The following TIGIT variants were observed in gnomAD, a reference collection of about 807,000 sequenced individuals.
TIGIT encodes T cell immunoreceptor with Ig and ITIM domains, also known as T-cell immunoreceptor with Ig and ITIM domains.
A neutral mutation model predicts 19.6 loss-of-function variants in TIGIT; 11 were observed. The ratio of observed to expected loss-of-function variants is 0.56; its 90% CI spans 0.35 to 0.93. The LOEUF (loss-of-function observed/expected upper bound fraction) is 0.93. Among genes scored for constraint, TIGIT ranks in the 40% least tolerant of loss-of-function variants. The probability of loss-of-function intolerance (pLI) is 0.01; values close to 1 mark genes in which losing one functional copy is unlikely to be tolerated. For missense variants in TIGIT, 295 were observed against 303.9 expected (o/e 0.97, Z 0.22); for synonymous variants, 130 against 125.5 (o/e 1.04, Z -0.24).
intron 3 of TIGIT, among the ~76,000 whole-genome samples, chr3:114,300,184 G>A (rs1017989017): frequency 4.6e-5 from 7 of 152,192 alleles, no homozygotes; most frequent in African/African-American, 1.7e-4. Context: ...AGAAGCCACA[G>A]ATATGGCTGG....
At chr3:114,306,008 A>G (rs748673204) in intron 3 of TIGIT, among the ~76,000 whole-genome samples, 4 of 152,100 alleles carry the variant, frequency 2.6e-5, no homozygotes, top group Non-Finnish European at 4.4e-5. Flanking sequence ...TGCTGGTAGC[A>G]TGGCTCAGTT....
chr3:114,300,979 G>A (rs950698533), intron 3 of TIGIT, among the ~76,000 whole-genome samples: 10 of 152,120 alleles, frequency 6.6e-5, no homozygotes, highest in South Asian at 2.1e-4. Flanking sequence ...ATTATAATTC[G>A]GCTTACTCTA....
rs150196922 is a variant in TIGIT at position 114,309,565 on chromosome 3, T to A, written c.*1434T>A. 3.9e-4 allele frequency: 59 copies of A among 152,314 alleles called. 1 individual carries two copies. In the East Asian group the frequency reaches 5.6e-3, roughly 14 times the overall value. The allele number at this position is 152,314 out of a possible 1,614,324, so 9.4% of individuals were successfully genotyped here. A position where few individuals can be genotyped will look rare whatever the true frequency, so the allele number is the denominator to read the frequency against. ...AATTCAACTATTTCTCCTAGGATTTTTATTATTATTATTTTTTCACTTTTC... is the reference window on the plus strand; with the variant it reads ...AATTCAACTATTTCTCCTAGGATTTATATTATTATTATTTTTTCACTTTTC... On this transcript the variant is annotated 3_prime_UTR_variant, in exon 4 of 4. Transcript: ENST00000383671.
At chr3:114,298,748 C>T (rs2078470872) in intron 2 of TIGIT, among the ~76,000 whole-genome samples, 1 of 152,188 alleles carries the variant, frequency 6.6e-6, no homozygotes, top group African/African-American at 2.4e-5. Flanking sequence ...TTTTAGCAAC[C>T]CAGACCCTTA....
In TIGIT at chr3:114,295,723, C is replaced by T. The variant is rs2107947167; in HGVS notation, c.240C>T (p.Ser80=). 3 of 1,614,234 alleles carry T rather than the reference C, an allele frequency of 1.9e-6. No homozygotes were observed. The highest frequency in any genetic ancestry group is 2.5e-6 in the Non-Finnish European group (3 of 1,180,030). Residue 80 remains serine (S), a synonymous_variant, in exon 2 of 4, where the codon TCC becomes TCT. Transcript: ENST00000383671. ...NADLGWHISP[S]FKDRVAPGPG... is the part of the protein sequence containing the mutation. ...ACTTGGGGTGGCACATCTCCCCATC[C>T]TTCAAGGATCGAGTGGCCCCAGGTC...
intron 3 of TIGIT, among the ~76,000 whole-genome samples, 156 bp downstream of exon 3, chr3:114,299,859 A>G (rs1432497163): frequency 1.3e-5 from 2 of 152,112 alleles, no homozygotes; most frequent in Non-Finnish European, 2.9e-5. Flanking sequence ...CTATTAGTGC[A>G]GTTATTTATG....
intron 3 of TIGIT, among the ~76,000 whole-genome samples, chr3:114,303,540 CACATATATATGTATATATATAT>C (rs1560033506): frequency 2.3e-4 from 2 of 8,564 alleles, no homozygotes; most frequent in African/African-American, 3.9e-4. Flanking sequence ...TATATATATA[CACATATATATGTATATATATAT>C]ACATATATAT....
At chr3:114,299,459 G>T in intron 2 of TIGIT, 138 bp from the exon 3 acceptor site, 1 of 631,994 alleles carries the variant, frequency 1.6e-6, no homozygotes, top group Non-Finnish European at 2.9e-6. Flanking sequence ...AAAGTGTTGG[G>T]CTTAAAGGCT....
chr3:114,299,044 G>T (rs1289069074), intron 2 of TIGIT, among the ~76,000 whole-genome samples: 1 of 152,152 alleles, frequency 6.6e-6, no homozygotes. Flanking sequence ...CTGAGCATTC[G>T]CTATGTGTCA....
chr3:114,295,773 C>G lies in TIGIT; in HGVS notation c.290C>G (p.Ser97Trp), dbSNP rs376092576. 6.2e-6 allele frequency: 10 copies of G among 1,614,030 alleles called. No individual in the cohort carries two copies. The highest frequency in any genetic ancestry group is 8.5e-6 in the Non-Finnish European group (10 of 1,180,020). ...PGPGLGLTLQ[S>W]LTVNDTGEYF... ...CCCGGCCTGGGCCTCACCCTCCAGT[C>G]GCTGACCGTGAACGATACAGGGGAG... The change falls in exon 2 of 4, where the codon TCG (serine) becomes TGG (tryptophan). Residue 97 changes from serine to tryptophan, a missense_variant. Ser to Trp is a radical substitution (Grantham distance 177, BLOSUM62 -3). Coordinates refer to ENST00000383671, the MANE Select transcript of TIGIT (RefSeq NM_173799.4).
At chr3:114,305,683 C>A (rs10934259) in intron 3 of TIGIT, among the ~76,000 whole-genome samples, 41,692 of 151,842 alleles carry the variant, frequency 0.27, 6,620 homozygotes, top group Middle Eastern at 0.38. Context: ...ACACTCCCAG[C>A]ATCTGGAAAA....
chr3:114,307,926 G>A lies in TIGIT; in HGVS notation c.530G>A (p.Gly177Asp). 6.2e-7 allele frequency: 1 copy of A among 1,614,122 alleles called. No individual in the cohort carries two copies. Among genetic ancestry groups the A allele is most frequent in the Non-Finnish European group, 8.5e-7 (1 of 1,180,034 alleles). ...GCCCTCAGAATCCATTCTGTGGAAG[G>A]TGACCTCAGGAGAAAATCAGCTGGA... ...KKALRIHSVE[G>D]DLRRKSAGQE... is the part of the protein sequence containing the mutation. Residue 177 changes from glycine (G) to aspartate (D), a missense_variant, in exon 4 of 4, where the codon GGT (glycine) becomes GAT (aspartate). By Grantham distance (94) the Gly-to-Asp change is moderately conservative (BLOSUM62 -1). Transcript: ENST00000383671.
Position 114,308,189 on chromosome 3 carries a change from A to G in TIGIT, c.*58A>G, listed in dbSNP as rs1338966821. The G allele has an allele frequency of 1.4e-6, 2 of 1,414,772 alleles. No individual in the cohort carries two copies. The highest frequency in any genetic ancestry group is 2.4e-5 in the South Asian group (2 of 81,996). 87.6% of individuals were successfully genotyped at this position (1,414,772 alleles called of 1,614,324 possible). ...TGTCTTTGCTATTATAGATGAATAT[A>G]TAAGCAGCTGTACTCTCCATCAGTG... On this transcript the variant is annotated 3_prime_UTR_variant, in exon 4 of 4. Transcript: ENST00000383671.
At chr3:114,297,303 G>A (rs181222856) in intron 2 of TIGIT, among the ~76,000 whole-genome samples, 3 of 152,214 alleles carry the variant, frequency 2.0e-5, no homozygotes, top group East Asian at 3.9e-4. Context: ...CAGTTTTCTT[G>A]TCGATAAAAT....
chr3:114,301,551 A>G (rs185224419), intron 3 of TIGIT, among the ~76,000 whole-genome samples: 12 of 152,342 alleles, frequency 7.9e-5, no homozygotes, highest in African/African-American at 2.9e-4. Context: ...TGCTGTTAGC[A>G]GTGTCCTGAT....
At position 114,308,389 on chromosome 3, in the gene TIGIT, G is replaced by C. The variant is rs146694851; in HGVS notation, c.*258G>C. 8.3e-5 allele frequency: 31 copies of C among 371,398 alleles called. No individual in the cohort carries two copies. Among genetic ancestry groups the C allele is most frequent in the Non-Finnish European group, 3.9e-5 (8 of 203,106 alleles). 23.0% of individuals were successfully genotyped at this position (371,398 alleles called of 1,614,324 possible). ...TAAATGCAAAATTAAAAAATATCTT[G>C]ACCTGGTTTTAAATCTGGCAGTTTG... On this transcript the variant is annotated 3_prime_UTR_variant, in exon 4 of 4. Coordinates refer to ENST00000383671, the MANE Select transcript of TIGIT (RefSeq NM_173799.4).
At chr3:114,303,788 G>A in intron 3 of TIGIT, among the ~76,000 whole-genome samples, 1 of 151,654 alleles carries the variant, frequency 6.6e-6, no homozygotes, top group African/African-American at 2.4e-5. Flanking sequence ...CCCAGTAGTG[G>A]GATTACTGGA....
rs570875973 is a variant in TIGIT at position 114,295,669 on chromosome 3, G to A, written c.186G>A (p.Gln62=). ...TGACCCAGGTCAACTGGGAGCAGCAGGACCAGCTTCTGGCCATTTGTAATG... is the reference window on the plus strand; with the variant it reads ...TGACCCAGGTCAACTGGGAGCAGCAAGACCAGCTTCTGGCCATTTGTAATG... The part of the protein sequence containing the change: ...AQVTQVNWEQ[Q]DQLLAICNAD... The change falls in exon 2 of 4, where the codon CAG becomes CAA. Residue 62 remains glutamine, a synonymous_variant. Coordinates refer to ENST00000383671, the MANE Select transcript of TIGIT (RefSeq NM_173799.4). The A allele has an allele frequency of 9.9e-6, 16 of 1,614,232 alleles. No homozygotes were observed. The East Asian group carries it at 2.5e-4, about 25-fold the overall frequency.
At chr3:114,303,408 A>G (rs935972546) in intron 3 of TIGIT, among the ~76,000 whole-genome samples, 1 of 151,418 alleles carries the variant, frequency 6.6e-6, no homozygotes, top group Admixed American at 6.6e-5. Context: ...TACTTCACTT[A>G]TAGTAGTGGT....
Sources: gnomAD v4.1 joint callset for allele counts (sites outside exome capture counted in the v4.1 genomes callset) on GRCh38, gnomAD v4.1.1 for gene constraint, MANE v1.5 for transcripts, NCBI Gene and HGNC (gene_info 2026-07-23, HGNC 2026-07-21) for gene names.